Variants in TSEN2 observed in about 807,000 individuals in gnomAD.
TSEN2 encodes the protein tRNA splicing endonuclease subunit 2.
Under a neutral mutation model 59.2 loss-of-function variants are expected in TSEN2, and 54 were observed. That is an observed-to-expected ratio of 0.91 (90% CI 0.73 to 1.14). The LOEUF (loss-of-function observed/expected upper bound fraction) is 1.14, where lower values mean the gene tolerates loss of function less well. TSEN2 is among the 50% of genes most tolerant of loss of function. TSEN2 has a pLI of 0.00. For missense variants in TSEN2, 636 were observed against 576.2 expected (o/e 1.10, Z -1.06); for synonymous variants, 195 against 198.2 (o/e 0.98, Z 0.14).
chr3:12,529,088 A>G (rs1375604949), intron 9 of TSEN2, among the ~76,000 whole-genome samples, 164 bp downstream of exon 9: 2 of 152,194 alleles, frequency 1.3e-5, no homozygotes, highest in Non-Finnish European at 2.9e-5. Context: ...ATGTCATTAT[A>G]CTATATATAG....
At chr3:12,483,147 G>A (rs1272019615), upstream of TSEN2, among the ~76,000 whole-genome samples, 1 of 152,146 alleles carries the variant, frequency 6.6e-6, no homozygotes, top group Non-Finnish European at 1.5e-5. Flanking sequence ...AGGCCGAGGC[G>A]GGAGGATCGC....
upstream of TSEN2, among the ~76,000 whole-genome samples, chr3:12,481,913 G>GTGTGTA (rs746783190): frequency 5.7e-5 from 6 of 105,152 alleles, no homozygotes; most frequent in Admixed American, 9.8e-5. Flanking sequence ...GTGTGTGTGT[G>GTGTGTA]TGTGTCTGCG....
At position 12,503,686 on chromosome 3, in the gene TSEN2, C is replaced by T. The variant is rs1378656317; in HGVS notation, c.733C>T (p.Leu245Phe). 7.4e-6 allele frequency: 12 copies of T among 1,611,280 alleles called. No homozygotes were observed. The highest frequency in any genetic ancestry group is 1.6e-4 in the Middle Eastern group (1 of 6,068). ...HHEDGSQHIG[L>F]LHPGDRGPDH... ...TGAAGACGGCAGCCAGCACATCGGCCTCCTGCATCCTGGGGACAGAGGGCC... is the reference window on the plus strand; with the variant it reads ...TGAAGACGGCAGCCAGCACATCGGCTTCCTGCATCCTGGGGACAGAGGGCC... Residue 245 changes from leucine (L) to phenylalanine (F), a missense_variant, in exon 5 of 12, where the codon CTC becomes TTC. Coordinates refer to ENST00000284995, the MANE Select transcript of TSEN2 (RefSeq NM_025265.4).
At chr3:12,490,594 A>G (rs1227849243) in intron 2 of TSEN2, among the ~76,000 whole-genome samples, 1 of 152,236 alleles carries the variant, frequency 6.6e-6, no homozygotes, top group Non-Finnish European at 1.5e-5. Context: ...TTTAAAAAAC[A>G]GCTTTATTGA....
intron 3 of TSEN2, among the ~76,000 whole-genome samples, chr3:12,495,135 A>G (rs2124979847): frequency 6.6e-6 from 1 of 152,004 alleles, no homozygotes; most frequent in East Asian, 1.9e-4. Flanking sequence ...CCAAAAAAAA[A>G]AAAAAAAAAA....
intron 3 of TSEN2, among the ~76,000 whole-genome samples, chr3:12,495,990 C>T (rs1050590343): frequency 6.6e-6 from 1 of 152,180 alleles, no homozygotes; most frequent in African/African-American, 2.4e-5. Flanking sequence ...GGCTGGTCTT[C>T]AAAATAACTT....
At chr3:12,535,141 C>G (rs1003415439), downstream of TSEN2, among the ~76,000 whole-genome samples, 10 of 151,968 alleles carry the variant, frequency 6.6e-5, no homozygotes, top group Middle Eastern at 6.8e-3. Context: ...CTTATTTTCA[C>G]CCTTGTGGAG....
chr3:12,489,951 G>T lies in TSEN2; in HGVS notation c.151G>T (p.Val51Leu). Residue 51 changes from valine (V) to leucine (L), a missense_variant, in exon 2 of 12, where the codon GTG becomes TTG. Val to Leu is a conservative substitution (Grantham distance 32, BLOSUM62 1). Coordinates refer to ENST00000284995, the MANE Select transcript of TSEN2 (RefSeq NM_025265.4). ...TGAAATGATTAACAACAATGTGATTGTGAGGAATGCGGAGGACATTGAGCA... is the reference window on the plus strand; with the variant it reads ...TGAAATGATTAACAACAATGTGATTTTGAGGAATGCGGAGGACATTGAGCA... ...RAEMINNNVI[V>L]RNAEDIEQLY... 6.2e-7 allele frequency: 1 copy of T among 1,614,188 alleles called. No individual in the cohort carries two copies. Among genetic ancestry groups the T allele is most frequent in the Non-Finnish European group, 8.5e-7 (1 of 1,180,042 alleles).
At chr3:12,484,118 CA>C (rs770200326), upstream of TSEN2, among the ~76,000 whole-genome samples, 38 of 152,260 alleles carry the variant, frequency 2.5e-4, no homozygotes, top group Non-Finnish European at 2.8e-4. Context: ...TCAGTTTCCT[CA>C]GGGCCATTTA....
At chr3:12,507,352 G>A (rs1324578596) in intron 6 of TSEN2, among the ~76,000 whole-genome samples, 1 of 152,204 alleles carries the variant, frequency 6.6e-6, no homozygotes, top group African/African-American at 2.4e-5. Context: ...TAGCCCACAT[G>A]TACCCGTTCT....
chr3:12,530,177 G>A (rs967657537), intron 10 of TSEN2: 11 of 1,219,928 alleles, frequency 9.0e-6, no homozygotes, highest in African/African-American at 6.2e-5. Flanking sequence ...CAGGGGTATC[G>A]TTGCTATGTG....
At chr3:12,538,521 C>T (rs2125281081), downstream of TSEN2, among the ~76,000 whole-genome samples, 2 of 152,054 alleles carry the variant, frequency 1.3e-5, no homozygotes, top group South Asian at 2.1e-4. Context: ...GGATCCATCT[C>T]GGTGTAATGG....
At chr3:12,533,902 G>C (rs368306119), downstream of TSEN2, among the ~76,000 whole-genome samples, 1 of 152,268 alleles carries the variant, frequency 6.6e-6, no homozygotes, top group South Asian at 2.1e-4. Context: ...TGGAGAGTGG[G>C]AGTTGAGATG....
intron 4 of TSEN2, 132 bp downstream of exon 4, chr3:12,496,686 G>T: frequency 1.2e-6 from 1 of 865,280 alleles, no homozygotes. Flanking sequence ...ATGTATCCTT[G>T]AAAATTATGT....
intron 8 of TSEN2, among the ~76,000 whole-genome samples, chr3:12,524,603 A>T (rs892994255): frequency 2.0e-5 from 3 of 152,144 alleles, no homozygotes; most frequent in Non-Finnish European, 4.4e-5. Flanking sequence ...TCAAAATTCT[A>T]AACTTAGTTA....
intron 4 of TSEN2, among the ~76,000 whole-genome samples, chr3:12,499,644 G>A (rs986483834): frequency 3.9e-5 from 6 of 152,158 alleles, no homozygotes; most frequent in Admixed American, 1.3e-4. Flanking sequence ...CCAAGATTAC[G>A]TGGGCTCAGC....
rs112696991 is a variant in TSEN2, at chr3:12,532,854, C to T, written c.*133C>T. On this transcript the variant is annotated 3_prime_UTR_variant, in exon 12 of 12. Coordinates refer to ENST00000284995, the MANE Select transcript of TSEN2 (RefSeq NM_025265.4). ...GGTGCTCCCAGCACCAGAAAACTAT[C>T]AGTGTTTTTAAAGATAAATTACACA... The T allele has an allele frequency of 2.4e-6, 2 of 835,200 alleles. No individual in the cohort carries two copies. Among genetic ancestry groups the T allele is most frequent in the East Asian group, 2.6e-5 (1 of 38,434 alleles). 51.7% of individuals were successfully genotyped at this position (835,200 alleles called of 1,614,324 possible). A position where few individuals can be genotyped will look rare whatever the true frequency, so the allele number is the denominator to read the frequency against.
intron 2 of TSEN2, 117 bp downstream of exon 2, chr3:12,490,106 C>T: frequency 1.9e-6 from 2 of 1,043,682 alleles, no homozygotes; most frequent in Non-Finnish European, 3.0e-6. Flanking sequence ...GTATTCTTTC[C>T]TTGCGGTTTG....
intron 10 of TSEN2, chr3:12,530,779 C>A (rs2057406144): frequency 1.0e-6 from 1 of 983,778 alleles, no homozygotes; most frequent in Non-Finnish European, 1.2e-6. Flanking sequence ...CCTCACTTAA[C>A]ATTGTTGATA....
Sources: allele counts gnomAD v4.1 joint callset (sites outside exome capture counted in the v4.1 genomes callset), GRCh38; gene constraint gnomAD v4.1.1; transcripts MANE v1.5; gene names NCBI Gene and HGNC (gene_info 2026-07-23, HGNC 2026-07-21).